The following TANC1 variants were observed in gnomAD, a reference collection of about 807,000 sequenced individuals.
The protein encoded by TANC1 is tetratricopeptide repeat, ankyrin repeat and coiled-coil containing 1.
A neutral mutation model predicts 149.7 loss-of-function variants in TANC1; 77 were observed. The ratio of observed to expected loss-of-function variants is 0.51; its 90% CI spans 0.43 to 0.62. The LOEUF is 0.62. Among genes scored for constraint, TANC1 ranks in the 20% least tolerant of loss-of-function variants. TANC1 has a pLI of 0.00. For synonymous variants in TANC1, 854 were observed against 925.0 expected (o/e 0.92, Z 1.39); for missense variants, 1,985 against 2,321.8 (o/e 0.85, Z 2.98).
intron 22 of TANC1, among the ~76,000 whole-genome samples, chr2:159,223,926 G>A (rs185213779): frequency 3.3e-5 from 5 of 152,284 alleles, no homozygotes; most frequent in Admixed American, 2.0e-4. Context: ...ACTATGTCCC[G>A]TCTCTGTGGC....
At chr2:159,079,280 C>T (rs1357587302) in intron 3 of TANC1, among the ~76,000 whole-genome samples, 2 of 150,852 alleles carry the variant, frequency 1.3e-5, no homozygotes, top group South Asian at 2.1e-4. Flanking sequence ...ATCCTCCTGC[C>T]TTAGCATCCC....
chr2:159,229,477 G>A, intron 26 of TANC1, 101 bp from the exon 27 acceptor site: 3 of 1,038,526 alleles, frequency 2.9e-6, no homozygotes, highest in Admixed American at 2.6e-5. Flanking sequence ...AAACTCACTT[G>A]CTACCTTCTC....
chr2:159,227,568 C>T (rs1026257532), intron 24 of TANC1: 1 of 487,522 alleles, frequency 2.1e-6, no homozygotes, highest in African/African-American at 2.0e-5. Flanking sequence ...AGTTTACAGA[C>T]ACCTTATTGT....
intron 23 of TANC1, 181 bp from the exon 24 acceptor site, chr2:159,225,507 C>T: frequency 1.6e-6 from 1 of 612,900 alleles, no homozygotes; most frequent in Non-Finnish European, 2.9e-6. Context: ...ATTTGAGTGC[C>T]CAGGTCAGTG....
chr2:159,061,342 C>T (rs1434026647), intron 2 of TANC1, among the ~76,000 whole-genome samples: 1 of 152,184 alleles, frequency 6.6e-6, no homozygotes, highest in African/African-American at 2.4e-5. Context: ...GTCCCTCTGA[C>T]CTCCCCTTGC....
intron 16 of TANC1, among the ~76,000 whole-genome samples, chr2:159,193,338 G>T (rs2057604601): frequency 6.6e-6 from 1 of 152,124 alleles, no homozygotes; most frequent in Non-Finnish European, 1.5e-5. Flanking sequence ...GTATGTATAT[G>T]TACCACATTT....
intron 4 of TANC1, among the ~76,000 whole-genome samples, chr2:159,125,199 C>G (rs1257937983): frequency 6.6e-6 from 1 of 152,184 alleles, no homozygotes; most frequent in Non-Finnish European, 1.5e-5. Flanking sequence ...GCTGTCACAG[C>G]ACAGCCACAC....
intron 19 of TANC1, among the ~76,000 whole-genome samples, chr2:159,216,043 C>T (rs1467959670): frequency 6.6e-6 from 1 of 152,164 alleles, no homozygotes; most frequent in Non-Finnish European, 1.5e-5. Flanking sequence ...GGAGATACAC[C>T]TGTCTTCAAC....
At chr2:159,165,221 G>A (rs1254548210) in intron 8 of TANC1, among the ~76,000 whole-genome samples, 1 of 152,208 alleles carries the variant, frequency 6.6e-6, no homozygotes, top group East Asian at 1.9e-4. Flanking sequence ...GCCATGTGAA[G>A]TGACAGTGGG....
chr2:159,145,809 C>G (rs2052011640), intron 5 of TANC1, among the ~76,000 whole-genome samples: 1 of 152,114 alleles, frequency 6.6e-6, no homozygotes, highest in Non-Finnish European at 1.5e-5. Flanking sequence ...TCTCCACTTG[C>G]CTAATGGATT....
At chr2:158,999,624 G>T (rs936431351) in intron 1 of TANC1, among the ~76,000 whole-genome samples, 14 of 152,098 alleles carry the variant, frequency 9.2e-5, no homozygotes, top group South Asian at 2.1e-4. Context: ...TTTGTTTCTG[G>T]TTTTTTTCTT....
intron 2 of TANC1, among the ~76,000 whole-genome samples, chr2:159,044,042 G>A (rs1258526879): frequency 1.3e-5 from 2 of 152,166 alleles, no homozygotes; most frequent in Admixed American, 1.3e-4. Context: ...GGGTTTCAAG[G>A]AGGATTTTCT....
At chr2:159,186,147 T>C (rs2056953082) in intron 15 of TANC1, among the ~76,000 whole-genome samples, 1 of 152,236 alleles carries the variant, frequency 6.6e-6, no homozygotes, top group South Asian at 2.1e-4. Context: ...TTTTACTTCT[T>C]TCCACCTTTA....
At chr2:159,150,972 G>A (rs185802251) in intron 7 of TANC1, among the ~76,000 whole-genome samples, 14 of 152,178 alleles carry the variant, frequency 9.2e-5, no homozygotes, top group Admixed American at 5.9e-4. Flanking sequence ...TAGCTCAGGC[G>A]TATGTTTTCT....
intron 1 of TANC1, among the ~76,000 whole-genome samples, chr2:158,983,597 G>A (rs2034670673): frequency 6.6e-6 from 1 of 151,604 alleles, no homozygotes; most frequent in Admixed American, 6.6e-5. Flanking sequence ...TTTTTACTGA[G>A]ACTGACAACA....
At chr2:159,224,884 AAC>A (rs1307355845) in intron 23 of TANC1, 2 of 161,182 alleles carry the variant, frequency 1.2e-5, no homozygotes, top group African/African-American at 4.8e-5. Context: ...CTTTGACACA[AAC>A]ACACCATTCC....
At chr2:159,184,180 T>C (rs933614900) in intron 14 of TANC1, among the ~76,000 whole-genome samples, 1 of 152,220 alleles carries the variant, frequency 6.6e-6, no homozygotes, top group Non-Finnish European at 1.5e-5. Context: ...CACAGGATTG[T>C]GCAGGTAAAT....
intron 2 of TANC1, among the ~76,000 whole-genome samples, chr2:159,007,412 C>T (rs550570273): frequency 6.6e-6 from 1 of 152,274 alleles, no homozygotes; most frequent in East Asian, 1.9e-4. Context: ...TCCCAAAGTG[C>T]TGGGATTGCA....
chr2:159,051,483 T>C (rs924259514), intron 2 of TANC1, among the ~76,000 whole-genome samples: 1 of 152,230 alleles, frequency 6.6e-6, no homozygotes, highest in Middle Eastern at 3.2e-3. Flanking sequence ...AATCTTTCAC[T>C]GGGTTTTAGA....
Sources: allele counts gnomAD v4.1 joint callset (sites outside exome capture counted in the v4.1 genomes callset), GRCh38; gene constraint gnomAD v4.1.1; transcripts MANE v1.5; gene names NCBI Gene and HGNC (gene_info 2026-07-23, HGNC 2026-07-21).